TTC39B: variants seen among roughly 807,000 people sequenced by gnomAD.
TTC39B encodes the protein tetratricopeptide repeat protein 39B.
A neutral mutation model predicts 96.6 loss-of-function variants in TTC39B; 92 were observed. That is an observed-to-expected ratio of 0.95 (90% CI 0.80 to 1.13). TTC39B has a LOEUF of 1.13. Ranked by LOEUF, TTC39B falls within the 50% of genes most tolerant of loss-of-function variation. TTC39B has a pLI of 0.00. For synonymous variants in TTC39B, 367 were observed against 299.4 expected (o/e 1.23, Z -2.33); for missense variants, 955 against 809.3 (o/e 1.18, Z -2.18).
At chr9:15,271,365 A>T (rs78276207) in intron 1 of TTC39B, among the ~76,000 whole-genome samples, 5,136 of 152,262 alleles carry the variant, frequency 0.034, 284 homozygotes, top group African/African-American at 0.12. Context: ...TTTGCTGCTC[A>T]GTGAGACAGC....
At position 15,175,060 on chromosome 9, in the gene TTC39B, CT is replaced by C. The variant is rs1276589548; in HGVS notation, c.1916del (p.Gln639ArgfsTer8). The C allele has an allele frequency of 8.1e-6, 13 of 1,613,632 alleles. No homozygotes were observed. The highest frequency in any genetic ancestry group is 2.2e-5 in the East Asian group (1 of 44,862). ...ACTTTATGGCCTTGTCAATTTCCCC[CT>C]GGCTTTTATACAAAGATGCCAATTC... On this transcript the variant is annotated frameshift_variant, in exon 19 of 20. Transcript: ENST00000512701. LOFTEE classifies it high-confidence loss of function.
chr9:15,244,491 C>T (rs1418650828), intron 2 of TTC39B, among the ~76,000 whole-genome samples: 1 of 152,222 alleles, frequency 6.6e-6, no homozygotes, highest in African/African-American at 2.4e-5. Flanking sequence ...AGAGATACCA[C>T]GAGGAAAGAA....
intron 16 of TTC39B, 69 bp from the exon 17 acceptor site, chr9:15,182,484 C>A: frequency 2.8e-6 from 3 of 1,076,776 alleles, no homozygotes; most frequent in Non-Finnish European, 4.1e-6. Context: ...GATCCCCAAA[C>A]AATGTTCATG....
rs151307307 is a variant in TTC39B, at chr9:15,169,719, T to C, written c.*2300A>G. On this transcript the variant is annotated 3_prime_UTR_variant, in exon 20 of 20. Transcript: ENST00000512701. ...AAAGATCCACTGGATATACTGTCCA[T>C]AGTATCAGGTAACTGCATAAAGAAT... The C allele has an allele frequency of 2.6e-5, 4 of 152,288 alleles. No individual in the cohort carries two copies. In the East Asian group the frequency reaches 7.7e-4, roughly 29 times the overall value. 9.4% of individuals were successfully genotyped at this position (152,288 alleles called of 1,614,324 possible).
intron 1 of TTC39B, among the ~76,000 whole-genome samples, chr9:15,273,874 T>C (rs934509635): frequency 1.3e-5 from 2 of 152,072 alleles, no homozygotes; most frequent in Non-Finnish European, 2.9e-5. Context: ...TGCCCCAACT[T>C]CCCCCCAGGA....
intron 1 of TTC39B, among the ~76,000 whole-genome samples, chr9:15,287,187 G>C (rs1385406836): frequency 6.6e-6 from 1 of 152,174 alleles, no homozygotes; most frequent in Admixed American, 6.5e-5. Flanking sequence ...TAAATGCTTG[G>C]AGGGGAGCCC....
At chr9:15,178,526 G>C (rs771653550) in intron 17 of TTC39B, among the ~76,000 whole-genome samples, 1 of 152,214 alleles carries the variant, frequency 6.6e-6, no homozygotes, top group South Asian at 2.1e-4. Flanking sequence ...AGTGAGCTAT[G>C]ATGGCGCCAC....
exon 20 of TTC39B, chr9:15,166,359 T>G (rs1289435991): frequency 2.6e-5 from 4 of 152,226 alleles, no homozygotes; most frequent in African/African-American, 4.8e-5. Context: ...CAGAAGGGAA[T>G]GGGGTGTAGA....
At chr9:15,305,923 G>A (rs772077088) in intron 1 of TTC39B, among the ~76,000 whole-genome samples, 9 of 152,020 alleles carry the variant, frequency 5.9e-5, no homozygotes, top group Non-Finnish European at 1.2e-4. Flanking sequence ...CAATGCAAGG[G>A]ACAGGCTGTA....
intron 2 of TTC39B, among the ~76,000 whole-genome samples, chr9:15,254,520 A>G (rs1322440055): frequency 5.3e-5 from 8 of 152,190 alleles, no homozygotes; most frequent in Non-Finnish European, 1.5e-5. Flanking sequence ...TGTAGGTTAA[A>G]TACATATTAC....
chr9:15,174,284 G>A (rs931424803), intron 19 of TTC39B, among the ~76,000 whole-genome samples: 1 of 152,006 alleles, frequency 6.6e-6, no homozygotes, highest in Middle Eastern at 3.2e-3. Context: ...CACATAATAG[G>A]TGCTCAGTGA....
chr9:15,204,150 C>T (rs978177332), intron 6 of TTC39B, among the ~76,000 whole-genome samples: 3 of 152,226 alleles, frequency 2.0e-5, no homozygotes, highest in South Asian at 4.2e-4. Context: ...GTATCAGAGA[C>T]GCAAACTCAA....
At chr9:15,211,746 C>T (rs1820213723) in intron 4 of TTC39B, among the ~76,000 whole-genome samples, 1 of 152,160 alleles carries the variant, frequency 6.6e-6, no homozygotes. Context: ...AAAATAAAGG[C>T]CGCTGGAAAT....
chr9:15,292,071 C>T (rs1424289424), intron 1 of TTC39B, among the ~76,000 whole-genome samples: 5 of 152,186 alleles, frequency 3.3e-5, no homozygotes, highest in African/African-American at 1.2e-4. Context: ...GTAAAGTTTA[C>T]TTTTTGTAAG....
intron 19 of TTC39B, among the ~76,000 whole-genome samples, chr9:15,172,789 C>T (rs10810357): frequency 0.66 from 99,665 of 152,038 alleles, 33,015 homozygotes; most frequent in East Asian, 0.87. Context: ...GCTATAACTG[C>T]TTTCTTTACA....
At chr9:15,228,466 A>G (rs1821250170) in intron 2 of TTC39B, among the ~76,000 whole-genome samples, 1 of 134,590 alleles carries the variant, frequency 7.4e-6, no homozygotes, top group African/African-American at 4.0e-5. Context: ...CTCCATCTCA[A>G]AAAATAAAAA....
exon 1 of TTC39B, chr9:15,307,197 G>T: frequency 6.4e-7 from 1 of 1,572,360 alleles, no homozygotes; most frequent in South Asian, 1.2e-5. Context: ...CTCGGCTCTG[G>T]GCTCAGCCCA....
chr9:15,247,974 G>A (rs898148955), intron 2 of TTC39B, among the ~76,000 whole-genome samples: 6 of 152,284 alleles, frequency 3.9e-5, no homozygotes, highest in African/African-American at 1.2e-4. Context: ...GATTCTGAGT[G>A]ACCCTAGGCA....
At chr9:15,296,076 T>A (rs1398391247) in intron 1 of TTC39B, among the ~76,000 whole-genome samples, 2 of 152,178 alleles carry the variant, frequency 1.3e-5, no homozygotes, top group Non-Finnish European at 2.9e-5. Flanking sequence ...GTAAGGACTG[T>A]GACTCATGGT....
Sources: allele counts gnomAD v4.1 joint callset (sites outside exome capture counted in the v4.1 genomes callset), GRCh38; gene constraint gnomAD v4.1.1; transcripts MANE v1.5; gene names NCBI Gene and HGNC (gene_info 2026-07-23, HGNC 2026-07-21).